Variants in DCUN1D2 observed in about 807,000 individuals in gnomAD.
DCUN1D2 encodes defective in cullin neddylation 1 domain containing 2.
In DCUN1D2, 29 loss-of-function variants were observed where a neutral mutation model predicts 30.9. The observed-to-expected ratio is 0.94, with a 90% CI of 0.70 to 1.28. DCUN1D2 has a LOEUF of 1.28. Among genes scored for constraint, DCUN1D2 ranks in the 50% most tolerant of loss-of-function variants. The probability of loss-of-function intolerance (pLI) is 0.00; values close to 1 mark genes in which losing one functional copy is unlikely to be tolerated. For missense variants in DCUN1D2, 325 were observed against 316.9 expected, an observed-to-expected ratio of 1.03 and a Z score of -0.19; for synonymous variants, 121 against 115.3, an observed-to-expected ratio of 1.05 and a Z score of -0.32.
chr13:113,485,485 A>G (rs2044786137), intron 1 of DCUN1D2, among the ~76,000 whole-genome samples: 1 of 152,150 alleles, frequency 6.6e-6, no homozygotes, highest in African/African-American at 2.4e-5. Flanking sequence ...ATCCGTTTTC[A>G]TAAGATCTAA....
intron 2 of DCUN1D2, among the ~76,000 whole-genome samples, chr13:113,481,809 A>G (rs1225114281): frequency 1.3e-5 from 2 of 150,922 alleles, no homozygotes; most frequent in Admixed American, 1.3e-4. Flanking sequence ...GCTTGAACCC[A>G]GGAGGTGGAG....
At position 113,474,017 on chromosome 13, in the gene DCUN1D2, C is replaced by G; in HGVS notation, c.520+107G>C. 3 of 1,457,422 alleles carry G rather than the reference C, an allele frequency of 2.1e-6. No homozygotes were observed. The South Asian group carries it at 3.9e-5, about 19-fold the overall frequency. The allele number at this position is 1,457,422 out of a possible 1,614,324, so 90.3% of individuals were successfully genotyped here. Reference sequence around the variant, plus strand: ...AAGACCGTATCTCCAAAAAACCAAACCAAAACCCAAAAACATTACAGTTGG... The same window carrying G: ...AAGACCGTATCTCCAAAAAACCAAAGCAAAACCCAAAAACATTACAGTTGG... On this transcript the variant is annotated intron_variant, in intron 4 of 6. Transcript: ENST00000478244.
chr13:113,473,641 G>A (rs766066453), intron 4 of DCUN1D2, among the ~76,000 whole-genome samples: 1 of 152,092 alleles, frequency 6.6e-6, no homozygotes, highest in Non-Finnish European at 1.5e-5. Context: ...TCAGGTACGC[G>A]GTATTATAAA....
chr13:113,459,168 TGA>T, intron 6 of DCUN1D2, 142 bp downstream of exon 6: 1 of 553,238 alleles, frequency 1.8e-6, no homozygotes, highest in Non-Finnish European at 3.3e-6. Flanking sequence ...TTCTTTTGTA[TGA>T]TTTACAGAAA....
At chr13:113,482,652 A>T (rs976825436) in intron 2 of DCUN1D2, among the ~76,000 whole-genome samples, 2 of 152,174 alleles carry the variant, frequency 1.3e-5, no homozygotes, top group African/African-American at 4.8e-5. Flanking sequence ...GTAATAAATA[A>T]ACAAGAACTT....
At chr13:113,474,621 C>T (rs990557657) in intron 3 of DCUN1D2, among the ~76,000 whole-genome samples, 11 of 152,292 alleles carry the variant, frequency 7.2e-5, no homozygotes, top group Non-Finnish European at 7.4e-5. Context: ...TTGCCCTCTT[C>T]TTGAGAAGTG....
chr13:113,467,563 G>T (rs1316401596), intron 4 of DCUN1D2, among the ~76,000 whole-genome samples: 7 of 151,482 alleles, frequency 4.6e-5, no homozygotes, highest in Non-Finnish European at 8.8e-5. Flanking sequence ...GAGCAGTCTT[G>T]GGTACATCCA....
intron 5 of DCUN1D2, 23 bp from the exon 6 acceptor site, chr13:113,459,431 A>C (rs748002159): frequency 2.6e-6 from 3 of 1,168,506 alleles, no homozygotes; most frequent in Non-Finnish European, 2.5e-6. Context: ...AGAAAAAAAA[A>C]ACCCACCAGG....
At chr13:113,474,424 G>GA (rs2139713523) in intron 3 of DCUN1D2, among the ~76,000 whole-genome samples, 170 bp from the exon 4 acceptor site, 1 of 152,330 alleles carries the variant, frequency 6.6e-6, no homozygotes, top group East Asian at 1.9e-4. Flanking sequence ...TGTAAGAGAA[G>GA]ATGGGGGGGC....
At chr13:113,481,622 G>A (rs750291641) in intron 2 of DCUN1D2, among the ~76,000 whole-genome samples, 2 of 152,178 alleles carry the variant, frequency 1.3e-5, no homozygotes, top group Non-Finnish European at 2.9e-5. Flanking sequence ...GGTGGCTCAC[G>A]CCTATAATCC....
At chr13:113,465,822 A>G (rs540900380) in intron 4 of DCUN1D2, among the ~76,000 whole-genome samples, 249 of 152,108 alleles carry the variant, frequency 1.6e-3, no homozygotes, top group African/African-American at 5.7e-3. Context: ...GCACACCACC[A>G]CACCCAGATA....
intron 3 of DCUN1D2, among the ~76,000 whole-genome samples, chr13:113,474,690 G>A (rs2044583701): frequency 2.0e-5 from 3 of 152,118 alleles, no homozygotes; most frequent in Non-Finnish European, 1.5e-5. Context: ...CCTGCCCTGC[G>A]GTGACAGGGC....
intron 4 of DCUN1D2, among the ~76,000 whole-genome samples, chr13:113,469,876 A>G (rs1037438867): frequency 3.3e-5 from 5 of 152,140 alleles, no homozygotes; most frequent in Admixed American, 6.5e-5. Flanking sequence ...AAGTGTGATC[A>G]TTGACTTCAA....
Position 113,490,259 on chromosome 13 carries a change from T to C in DCUN1D2, c.3+408A>G, listed in dbSNP as rs1566512539. 6.6e-6 allele frequency among the ~76,000 whole-genome samples: 1 copy of C among 152,188 alleles called. No individual in the cohort carries two copies. Among genetic ancestry groups the C allele is most frequent in the Non-Finnish European group, 1.5e-5 (1 of 68,012 alleles). ...TCGCGGATTCCTTCCTTGCGCTGTT[T>C]TGGTCAACAGCCTCAGCATCTGCAC... On this transcript the variant is annotated intron_variant, in intron 1 of 6. Transcript: ENST00000478244. This position sits in a 1 kb window ranked among gnomAD's most constrained non-coding sequence, Gnocchi z 5.2.
intron 3 of DCUN1D2, among the ~76,000 whole-genome samples, chr13:113,479,673 A>G (rs933041983): frequency 2.0e-5 from 3 of 152,234 alleles, no homozygotes; most frequent in African/African-American, 7.2e-5. Flanking sequence ...CTGTGAGCCA[A>G]GATCGTGCCA....
intron 3 of DCUN1D2, among the ~76,000 whole-genome samples, chr13:113,476,722 T>C (rs929645652): frequency 6.6e-6 from 1 of 152,256 alleles, no homozygotes; most frequent in African/African-American, 2.4e-5. Flanking sequence ...AAAATTATCC[T>C]ATTTCATAGT....
At chr13:113,462,865 C>T (rs929190518) in intron 4 of DCUN1D2, 11 of 1,263,236 alleles carry the variant, frequency 8.7e-6, no homozygotes, top group African/African-American at 1.5e-5. Flanking sequence ...TGATGTAAAG[C>T]TTTCACATTG....
chr13:113,472,027 C>T (rs897042002), intron 4 of DCUN1D2, among the ~76,000 whole-genome samples: 5 of 151,960 alleles, frequency 3.3e-5, no homozygotes, highest in East Asian at 3.9e-4. Context: ...AGTGTATTAC[C>T]CCCCCAACCC....
At chr13:113,483,184 T>A (rs2044739490) in intron 2 of DCUN1D2, among the ~76,000 whole-genome samples, 1 of 152,150 alleles carries the variant, frequency 6.6e-6, no homozygotes, top group African/African-American at 2.4e-5. Flanking sequence ...GGGGCGTGGA[T>A]CTGCGTATGC....
Sources: gnomAD v4.1 joint callset for allele counts (sites outside exome capture counted in the v4.1 genomes callset) on GRCh38, gnomAD v4.1.1 for gene constraint, Gnocchi (gnomAD v3.1) non-coding constraint, MANE v1.5 for transcripts, NCBI Gene and HGNC (gene_info 2026-07-23, HGNC 2026-07-21) for gene names.